C12orf42: variants seen among roughly 807,000 people sequenced by gnomAD.
The protein encoded by C12orf42 is uncharacterized protein C12orf42.
C12orf42 carries 25 observed loss-of-function variants against 21.6 expected under a neutral mutation model. The ratio of observed to expected loss-of-function variants is 1.16; its 90% CI spans 0.84 to 1.62. The LOEUF (loss-of-function observed/expected upper bound fraction) is 1.62, where lower values mean the gene tolerates loss of function less well. Ranked by LOEUF, C12orf42 falls within the 40% of genes most tolerant of loss-of-function variation. The pLI is 0.00. For synonymous variants in C12orf42, 174 were observed against 175.0 expected (o/e 0.99, Z 0.05); for missense variants, 483 against 459.3 (o/e 1.05, Z -0.47).
chr12:103,274,781 A>T (rs944970050), intron 5 of C12orf42, among the ~76,000 whole-genome samples: 6 of 152,238 alleles, frequency 3.9e-5, no homozygotes, highest in African/African-American at 1.4e-4. Context: ...AAAACAGAAC[A>T]CAACTGGTTT....
the C12orf42 span, among the ~76,000 whole-genome samples, chr12:103,111,209 TA>T: frequency 3.0e-4 from 45 of 151,228 alleles, 1 homozygote; most frequent in East Asian, 7.7e-4. Context: ...AATAGAAATG[TA>T]AAAAAAAACA....
intron 2 of C12orf42, among the ~76,000 whole-genome samples, chr12:103,464,709 T>C (rs917248515): frequency 6.6e-6 from 1 of 152,226 alleles, no homozygotes; most frequent in Non-Finnish European, 1.5e-5. Flanking sequence ...GTTTTACTTT[T>C]AAGTCTTTAA....
chr12:103,311,617 A>G (rs958547105), intron 4 of C12orf42, among the ~76,000 whole-genome samples: 2 of 152,208 alleles, frequency 1.3e-5, no homozygotes, highest in African/African-American at 4.8e-5. Flanking sequence ...AGTATTCCTT[A>G]TAATTTTTCA....
the C12orf42 span, among the ~76,000 whole-genome samples, chr12:103,067,567 G>A: frequency 1.3e-5 from 2 of 152,074 alleles, no homozygotes; most frequent in Admixed American, 6.6e-5. Context: ...GGATACACAG[G>A]CCCAGGAATG....
At chr12:103,164,742 C>A in the C12orf42 span, 2 of 455,140 alleles carry the variant, frequency 4.4e-6, no homozygotes, top group South Asian at 1.6e-5. Context: ...TTTATTTATT[C>A]CATGTAACAC....
chr12:103,052,894 A>G, the C12orf42 span, among the ~76,000 whole-genome samples: 1 of 152,086 alleles, frequency 6.6e-6, no homozygotes, highest in Admixed American at 6.6e-5. Flanking sequence ...ATTACCGAAC[A>G]TTGAAAAGAC....
the C12orf42 span, among the ~76,000 whole-genome samples, chr12:103,115,998 G>A: frequency 6.6e-6 from 1 of 152,202 alleles, no homozygotes; most frequent in African/African-American, 2.4e-5. Flanking sequence ...CTGATAAGGA[G>A]AGTCAAATGG....
In C12orf42 at chr12:103,302,371, C is replaced by T. The variant is rs1201997365; in HGVS notation, c.820G>A (p.Gly274Arg). ...RLLGASGNPV[G>R]KGAVAMAPEM... ...GGCGCCATGGCAACCGCGCCTTTTC[C>T]GACGGGATTTCCGGACGCGCCCAGG... Residue 274 changes from glycine to arginine, a missense_variant, in exon 6 of 6, where the codon GGA becomes AGA. Gly to Arg is a moderately radical substitution (Grantham distance 125, BLOSUM62 -2). Transcript: ENST00000548883. 2 of 1,613,938 alleles carry T rather than the reference C, an allele frequency of 1.2e-6. No individual in the cohort carries two copies. The highest frequency in any genetic ancestry group is 4.5e-5 in the East Asian group (2 of 44,860).
At chr12:103,421,428 C>T (rs1342744586) in intron 2 of C12orf42, among the ~76,000 whole-genome samples, 1 of 151,650 alleles carries the variant, frequency 6.6e-6, no homozygotes, top group African/African-American at 2.4e-5. Context: ...AAAAATATTA[C>T]CTGAGTGTGG....
At chr12:103,534,986 C>G in the C12orf42 span, among the ~76,000 whole-genome samples, 19 of 152,314 alleles carry the variant, frequency 1.2e-4, no homozygotes, top group African/African-American at 4.1e-4. Flanking sequence ...TATCACCTGG[C>G]CCTTATTATC....
At chr12:103,303,393 GC>G (rs2037941903) in intron 5 of C12orf42, among the ~76,000 whole-genome samples, 1 of 151,634 alleles carries the variant, frequency 6.6e-6, no homozygotes. Context: ...GAAAAATTCT[GC>G]CCATTGACCT....
At chr12:103,413,980 G>A (rs537007616) in intron 2 of C12orf42, among the ~76,000 whole-genome samples, 1 of 152,138 alleles carries the variant, frequency 6.6e-6, no homozygotes, top group African/African-American at 2.4e-5. Flanking sequence ...ATGTGAAAAT[G>A]TGATTTTCTT....
the C12orf42 span, among the ~76,000 whole-genome samples, chr12:103,108,300 C>G: frequency 6.6e-6 from 1 of 151,704 alleles, no homozygotes; most frequent in African/African-American, 2.4e-5. Context: ...GAAAAACTCC[C>G]CAAATCACTT....
At chr12:103,257,220 G>A (rs1393530186) in intron 10 of C12orf42, among the ~76,000 whole-genome samples, 2 of 152,060 alleles carry the variant, frequency 1.3e-5, no homozygotes, top group African/African-American at 4.8e-5. Flanking sequence ...GGTGGGAGGA[G>A]GGAGAAGATC....
chr12:103,549,246 T>C, the C12orf42 span, among the ~76,000 whole-genome samples: 1 of 152,170 alleles, frequency 6.6e-6, no homozygotes, highest in African/African-American at 2.4e-5. Context: ...GTTGGTTTGG[T>C]TTGTTATTTT....
At chr12:103,530,486 A>G in the C12orf42 span, among the ~76,000 whole-genome samples, 1 of 152,190 alleles carries the variant, frequency 6.6e-6, no homozygotes, top group Non-Finnish European at 1.5e-5. Context: ...ACGAGTGGGA[A>G]AGCCCCATGT....
chr12:103,340,207 C>T (rs982996458), intron 4 of C12orf42, among the ~76,000 whole-genome samples: 1 of 152,150 alleles, frequency 6.6e-6, no homozygotes, highest in African/African-American at 2.4e-5. Context: ...GTGAGTTCTC[C>T]AGGAGTCTAT....
chr12:103,256,827 A>T (rs1156922735), intron 10 of C12orf42, among the ~76,000 whole-genome samples: 1 of 152,186 alleles, frequency 6.6e-6, no homozygotes, highest in Admixed American at 6.5e-5. Flanking sequence ...TCAAGAAACA[A>T]GCAATTATAT....
At position 103,305,988 on chromosome 12, in the gene C12orf42, G is replaced by T. The variant is rs758912596; in HGVS notation, c.617C>A (p.Pro206His). Residue 206 changes from proline (P) to histidine (H), a missense_variant, in exon 5 of 6, where the codon CCC becomes CAC. Pro to His is a moderately conservative substitution (Grantham distance 77, BLOSUM62 -2). Transcript: ENST00000548883. ...TRPKGQPLSS[P>H]KKNSGSAARP... ...ATGATACTTACCAGAATTTTTCTTGGGACTGCTCAAGGGCTGGCCCTTAGG... is the reference window on the plus strand; with the variant it reads ...ATGATACTTACCAGAATTTTTCTTGTGACTGCTCAAGGGCTGGCCCTTAGG... The T allele has an allele frequency of 6.2e-7, 1 of 1,601,676 alleles. No homozygotes were observed. Among genetic ancestry groups the T allele is most frequent in the Non-Finnish European group, 8.5e-7 (1 of 1,170,292 alleles).
Sources: allele counts gnomAD v4.1 joint callset (sites outside exome capture counted in the v4.1 genomes callset), GRCh38; gene constraint gnomAD v4.1.1; transcripts MANE v1.5; gene names NCBI Gene and HGNC (gene_info 2026-07-23, HGNC 2026-07-21).